Variants in RBM47 observed in about 807,000 individuals in gnomAD.
The protein encoded by RBM47 is RNA-binding protein 47.
Under a neutral mutation model 47.1 loss-of-function variants are expected in RBM47, and 21 were observed. The ratio of observed to expected loss-of-function variants is 0.45; its 90% CI spans 0.32 to 0.64. The LOEUF is 0.64. Ranked by LOEUF, RBM47 falls within the 30% of genes least tolerant of loss-of-function variation. The pLI is 0.05. For missense variants in RBM47, 708 were observed against 870.9 expected, an observed-to-expected ratio of 0.81 and a Z score of 2.35; for synonymous variants, 375 against 361.7, an observed-to-expected ratio of 1.04 and a Z score of -0.42.
chr4:40,558,956 T>G (rs1025316113), intron 1 of RBM47, among the ~76,000 whole-genome samples: 3 of 151,758 alleles, frequency 2.0e-5, no homozygotes, highest in Non-Finnish European at 4.4e-5. Flanking sequence ...ATTTCGCCAC[T>G]GCACTCCAGC....
At chr4:40,518,153 C>CTTTCCTTTTT (rs1560439940) in intron 2 of RBM47, among the ~76,000 whole-genome samples, 1 of 99,546 alleles carries the variant, frequency 1.0e-5, no homozygotes, top group African/African-American at 3.5e-5. Context: ...TGTTTCTTTT[C>CTTTCCTTTTT]TTTTCTTTTT....
At chr4:40,464,846 G>A (rs28731291) in intron 3 of RBM47, among the ~76,000 whole-genome samples, 11,980 of 128,996 alleles carry the variant, frequency 0.093, 545 homozygotes, top group Middle Eastern at 0.21. Flanking sequence ...AGCCGAGATC[G>A]CGCCACTGCA....
intron 1 of RBM47, among the ~76,000 whole-genome samples, chr4:40,558,530 A>G (rs1560468145): frequency 6.6e-6 from 1 of 150,718 alleles, no homozygotes; most frequent in Non-Finnish European, 1.5e-5. Context: ...ACTACAAAAA[A>G]AAAAAAAAAA....
At chr4:40,517,046 T>C (rs1725660007) in intron 2 of RBM47, among the ~76,000 whole-genome samples, 1 of 152,152 alleles carries the variant, frequency 6.6e-6, no homozygotes, top group South Asian at 2.1e-4. Flanking sequence ...TTGGGTCACC[T>C]GTCTCATTCC....
At chr4:40,559,603 C>G (rs1022940641) in intron 1 of RBM47, among the ~76,000 whole-genome samples, 5 of 151,918 alleles carry the variant, frequency 3.3e-5, no homozygotes, top group Admixed American at 3.3e-4. Context: ...TGTGGGTGAC[C>G]AACACCAGGG....
intron 1 of RBM47, among the ~76,000 whole-genome samples, chr4:40,618,183 C>T (rs1047190650): frequency 6.6e-6 from 1 of 151,666 alleles, no homozygotes; most frequent in African/African-American, 2.4e-5. Context: ...GTCAAGGCTA[C>T]AGGGAAACAT....
In RBM47 at chr4:40,608,136, G is replaced by T. The variant is rs374225285; in HGVS notation, c.-240+21260C>A. ...AAGGTGAATTTTCTAATTTAAAATG[G>T]TGAATTTCGCAGTACGCTAATTATA... On this transcript the variant is annotated intron_variant, in intron 1 of 6. Coordinates refer to ENST00000295971, the MANE Select transcript of RBM47 (RefSeq NM_001098634.2). Among the ~76,000 whole-genome samples, 192 of 152,140 alleles carry T rather than the reference G, an allele frequency of 1.3e-3. 1 individual carries two copies. Among genetic ancestry groups the T allele is most frequent in the African/African-American group, 4.2e-3 (175 of 41,512 alleles).
chr4:40,493,501 T>C (rs186754494), intron 2 of RBM47, among the ~76,000 whole-genome samples: 57 of 152,262 alleles, frequency 3.7e-4, no homozygotes, highest in Non-Finnish European at 6.9e-4. Flanking sequence ...TTATATGTTT[T>C]GGCCTGGCGC....
intron 1 of RBM47, among the ~76,000 whole-genome samples, chr4:40,593,159 T>G (rs1393100510): frequency 6.8e-6 from 1 of 146,912 alleles, no homozygotes; most frequent in African/African-American, 2.5e-5. Context: ...CACGCCAGGC[T>G]AATTTTTTTT....
rs750821191 is a variant in RBM47 at position 40,590,628 on chromosome 4, G to A, written c.-240+38768C>T. Among the ~76,000 whole-genome samples the A allele has an allele frequency of 3.3e-4, 50 of 152,216 alleles. No individual in the cohort carries two copies. In the Middle Eastern group the frequency reaches 0.01, roughly 31 times the overall value. ...CTTAAAAAGCAACAGCCCAAAGGGC[G>A]GAACAACCCAATATCCATCAACAGG... On this transcript the variant is annotated intron_variant, in intron 1 of 6. Coordinates refer to ENST00000295971, the MANE Select transcript of RBM47 (RefSeq NM_001098634.2).
In RBM47 at chr4:40,551,101, G is replaced by A. The variant is rs536531577; in HGVS notation, c.-239-6595C>T. ...GGAAGCTGTGTAGGTAGCAAGCCCA[G>A]CCTGCCCACAAATATTTGTCAAGGT... On this transcript the variant is annotated intron_variant, in intron 1 of 6. Transcript: ENST00000295971. 9.9e-5 allele frequency among the ~76,000 whole-genome samples: 15 copies of A among 152,206 alleles called. No individual in the cohort carries two copies. In the Middle Eastern group the frequency reaches 0.014, roughly 138 times the overall value.
chr4:40,549,766 C>T (rs527556089), intron 1 of RBM47, among the ~76,000 whole-genome samples: 4 of 151,886 alleles, frequency 2.6e-5, no homozygotes, highest in East Asian at 3.9e-4. Flanking sequence ...CTGCAACTTC[C>T]GCCTCCCGGG....
chr4:40,488,573 G>C (rs149689879), intron 2 of RBM47, among the ~76,000 whole-genome samples: 4 of 152,262 alleles, frequency 2.6e-5, no homozygotes, highest in African/African-American at 4.8e-5. Flanking sequence ...AGCTCATTTG[G>C]AAATAACATC....
intron 2 of RBM47, among the ~76,000 whole-genome samples, chr4:40,474,895 TAAGA>T (rs1719392375): frequency 6.6e-6 from 1 of 152,232 alleles, no homozygotes. Context: ...GGAGAAGGGT[TAAGA>T]GAGAAGAGTA....
At chr4:40,492,050 C>G (rs113834136) in intron 2 of RBM47, 4,356 of 116,076 alleles carry the variant, frequency 0.038, 175 homozygotes, top group African/African-American at 0.13. Context: ...ATTAGTCATG[C>G]CATAAAGGTT....
intron 1 of RBM47, among the ~76,000 whole-genome samples, chr4:40,599,360 A>C (rs1735037930): frequency 1.3e-5 from 2 of 152,140 alleles, no homozygotes; most frequent in Non-Finnish European, 2.9e-5. Context: ...ACTTACACTT[A>C]CCACCCCCAA....
In RBM47 at chr4:40,444,501, G is replaced by A. The variant is rs1249946256; in HGVS notation, c.-31-5577C>T. On this transcript the variant is annotated intron_variant, in intron 3 of 6. Coordinates refer to ENST00000295971, the MANE Select transcript of RBM47 (RefSeq NM_001098634.2). Reference sequence around the variant, plus strand: ...AAGCGAAATAGTTGAGACCCAGACAGTGTGGCTCATAAAGCCTAAGGTATT... The same window carrying A: ...AAGCGAAATAGTTGAGACCCAGACAATGTGGCTCATAAAGCCTAAGGTATT... 3.3e-5 allele frequency among the ~76,000 whole-genome samples: 5 copies of A among 152,122 alleles called. No individual in the cohort carries two copies. In the East Asian group the frequency reaches 9.7e-4, roughly 29 times the overall value.
At chr4:40,557,502 G>A (rs189980592) in intron 1 of RBM47, among the ~76,000 whole-genome samples, 4 of 152,090 alleles carry the variant, frequency 2.6e-5, no homozygotes, top group Admixed American at 6.6e-5. Flanking sequence ...TAATCCCAGC[G>A]CTTTGGGAGT....
chr4:40,610,814 A>C (rs929731460), intron 1 of RBM47, among the ~76,000 whole-genome samples: 2 of 151,984 alleles, frequency 1.3e-5, no homozygotes, highest in African/African-American at 2.4e-5. Flanking sequence ...AATAAGTGTC[A>C]CCAGATCTGA....
Sources: gnomAD v4.1 joint callset for allele counts (sites outside exome capture counted in the v4.1 genomes callset) on GRCh38, gnomAD v4.1.1 for gene constraint, MANE v1.5 for transcripts, NCBI Gene and HGNC (gene_info 2026-07-23, HGNC 2026-07-21) for gene names.